MGAT4C: variants seen among roughly 807,000 people sequenced by gnomAD.
MGAT4C encodes the protein alpha-1,3-mannosyl-glycoprotein 4-beta-N-acetylglucosaminyltransferase C.
In MGAT4C, 19 loss-of-function variants were observed where a neutral mutation model predicts 40.1. That is an observed-to-expected ratio of 0.47 (90% confidence interval 0.33 to 0.70). MGAT4C has a LOEUF of 0.70. MGAT4C is among the 30% of genes least tolerant of loss of function. The probability of loss-of-function intolerance (pLI) is 0.02; values close to 1 mark genes in which losing one functional copy is unlikely to be tolerated. For missense variants in MGAT4C, 491 were observed against 563.2 expected, an observed-to-expected ratio of 0.87 and a Z score of 1.30; for synonymous variants, 181 against 187.1, an observed-to-expected ratio of 0.97 and a Z score of 0.27.
intron 2 of MGAT4C, among the ~76,000 whole-genome samples, chr12:86,690,059 C>G (rs1352014457): frequency 6.6e-6 from 1 of 152,156 alleles, no homozygotes; most frequent in Admixed American, 6.5e-5. Flanking sequence ...GCAGCTTTGC[C>G]TCACTGTGGT....
chr12:86,698,854 G>A (rs895071736), intron 2 of MGAT4C, among the ~76,000 whole-genome samples: 41 of 152,092 alleles, frequency 2.7e-4, no homozygotes, highest in African/African-American at 9.7e-4. Flanking sequence ...ATTGCCTAGT[G>A]TTAGAGCTGC....
Position 85,962,402 on chromosome 12 carries a change from T to TTAATTATA in MGAT4C, c.*16879_*16886dup, listed in dbSNP as rs957801344. 2 of 148,020 alleles carry TTAATTATA rather than the reference T, an allele frequency of 1.4e-5. No individual in the cohort carries two copies. The highest frequency in any genetic ancestry group is 3.6e-3 in the Middle Eastern group (1 of 278). The allele number at this position is 148,020 out of a possible 1,614,324, so 9.2% of individuals were successfully genotyped here. A position where few individuals can be genotyped will look rare whatever the true frequency, so the allele number is the denominator to read the frequency against. On this transcript the variant is annotated 3_prime_UTR_variant, in exon 5 of 5. Coordinates refer to ENST00000611864, the MANE Select transcript of MGAT4C (RefSeq NM_001351288.2). ...CATCCAATGAAGTAAAATTATATAATTAATTATATAATTATATAATTATAT... is the reference window on the plus strand; with the variant it reads ...CATCCAATGAAGTAAAATTATATAATTAATTATATAATTATATAATTATATAATTATAT...
chr12:86,056,884 C>T (rs1893455265), intron 1 of MGAT4C, among the ~76,000 whole-genome samples: 1 of 152,076 alleles, frequency 6.6e-6, no homozygotes, highest in Admixed American at 6.6e-5. Context: ...ACATCCTCTC[C>T]AGCATCTGTT....
Position 86,452,104 on chromosome 12 carries a change from A to G in MGAT4C, c.-228-16839T>C, listed in dbSNP as rs556834886. 8.0e-4 allele frequency among the ~76,000 whole-genome samples: 122 copies of G among 151,902 alleles called. 1 individual carries two copies. Among genetic ancestry groups the G allele is most frequent in the Non-Finnish European group, 1.5e-3 (105 of 67,942 alleles). ...AAATCACCTGATTCAGTTGAGGCTG[A>G]CCTGTTTCTTGTTTGTTTTTCTACA... On this transcript the variant is annotated intron_variant, in intron 2 of 7. Coordinates refer to the MGAT4C transcript ENST00000548651.
Position 86,302,424 on chromosome 12 carries a change from G to GGTTGGGTTT in MGAT4C, c.-57+31640_-57+31641insAAACCCAAC, listed in dbSNP as rs1555264786. 1.7e-4 allele frequency among the ~76,000 whole-genome samples: 24 copies of GGTTGGGTTT among 142,458 alleles called. 2 individuals are homozygous for GGTTGGGTTT. The highest frequency in any genetic ancestry group is 6.1e-4 in the African/African-American group (23 of 37,586). The allele number at this position is 142,458 out of a possible 152,430, so 93.5% of individuals were successfully genotyped here. A position where few individuals can be genotyped will look rare whatever the true frequency, so the allele number is the denominator to read the frequency against. On this transcript the variant is annotated intron_variant, in intron 4 of 7. Coordinates refer to the MGAT4C transcript ENST00000548651. ...TGGTTGGTTGGTTGGTTGGTTGGTTGGGTTTGGTTTGGTTTGGTTTTCGAG... is the reference window on the plus strand; with the variant it reads ...TGGTTGGTTGGTTGGTTGGTTGGTTGGTTGGGTTTGGTTTGGTTTGGTTTGGTTTTCGAG...
At chr12:86,615,341 G>A (rs910082776) in intron 2 of MGAT4C, among the ~76,000 whole-genome samples, 2 of 152,024 alleles carry the variant, frequency 1.3e-5, no homozygotes, top group African/African-American at 4.8e-5. Flanking sequence ...TGTAGTTTAA[G>A]GGGTTGGAGG....
chr12:86,133,893 A>C (rs1219755238), intron 1 of MGAT4C, among the ~76,000 whole-genome samples: 1 of 152,104 alleles, frequency 6.6e-6, no homozygotes, highest in Non-Finnish European at 1.5e-5. Context: ...CATTCCATGG[A>C]GAACTTAGAA....
chr12:86,110,177 A>T (rs377182528), intron 1 of MGAT4C, among the ~76,000 whole-genome samples: 1 of 147,382 alleles, frequency 6.8e-6, no homozygotes, highest in African/African-American at 2.5e-5. Context: ...GGAGATTAGT[A>T]TCTAAATAAT....
At chr12:86,547,454 A>T (rs1959201082) in intron 2 of MGAT4C, among the ~76,000 whole-genome samples, 1 of 152,122 alleles carries the variant, frequency 6.6e-6, no homozygotes, top group South Asian at 2.1e-4. Context: ...TCATGTAGAC[A>T]GGCATTTTTG....
chr12:86,119,157 T>G (rs1566009685), intron 1 of MGAT4C, among the ~76,000 whole-genome samples: 1 of 152,032 alleles, frequency 6.6e-6, no homozygotes, highest in African/African-American at 2.4e-5. Context: ...TAAATAAAAA[T>G]TAAGTAATAA....
chr12:86,063,593 A>C (rs1894212333), intron 1 of MGAT4C, among the ~76,000 whole-genome samples: 1 of 152,222 alleles, frequency 6.6e-6, no homozygotes, highest in Admixed American at 6.5e-5. Flanking sequence ...CTGGATAAAG[A>C]GTCAAGATCC....
chr12:86,018,980 T>A (rs890500361), intron 2 of MGAT4C, among the ~76,000 whole-genome samples: 4 of 152,112 alleles, frequency 2.6e-5, no homozygotes, highest in African/African-American at 9.7e-5. Flanking sequence ...TTGTAACTTA[T>A]TTACCAACTT....
At chr12:86,111,728 A>G (rs535924728) in intron 1 of MGAT4C, among the ~76,000 whole-genome samples, 1 of 151,772 alleles carries the variant, frequency 6.6e-6, no homozygotes, top group African/African-American at 2.4e-5. Flanking sequence ...CATGCTTTTC[A>G]CCCACGCTTA....
At chr12:86,514,540 C>A (rs1359926079) in intron 2 of MGAT4C, among the ~76,000 whole-genome samples, 1 of 152,164 alleles carries the variant, frequency 6.6e-6, no homozygotes, top group Non-Finnish European at 1.5e-5. Context: ...CTCAGTGCCT[C>A]ATTCTTCCAT....
chr12:86,221,099 T>C (rs1051002016), intron 1 of MGAT4C, among the ~76,000 whole-genome samples: 9 of 152,186 alleles, frequency 5.9e-5, no homozygotes, highest in African/African-American at 1.9e-4. Context: ...AAATCTGGTA[T>C]AGGAGAAACT....
At chr12:86,487,819 T>G (rs1958049005) in intron 2 of MGAT4C, among the ~76,000 whole-genome samples, 1 of 152,232 alleles carries the variant, frequency 6.6e-6, no homozygotes, top group African/African-American at 2.4e-5. Context: ...TTTTACTAGC[T>G]TGACATAAAT....
intron 1 of MGAT4C, among the ~76,000 whole-genome samples, chr12:86,775,679 T>A (rs1315777381): frequency 1.3e-5 from 2 of 151,792 alleles, no homozygotes; most frequent in African/African-American, 4.8e-5. Context: ...ACAGAAGCAC[T>A]GCTATTTATT....
At chr12:86,626,921 C>T (rs1962825240) in intron 2 of MGAT4C, among the ~76,000 whole-genome samples, 1 of 152,210 alleles carries the variant, frequency 6.6e-6, no homozygotes, top group Admixed American at 6.5e-5. Flanking sequence ...GGGTCATCAC[C>T]TCACCTGGGA....
At chr12:86,624,834 T>C (rs1962750557) in intron 2 of MGAT4C, among the ~76,000 whole-genome samples, 1 of 152,092 alleles carries the variant, frequency 6.6e-6, no homozygotes, top group African/African-American at 2.4e-5. Context: ...AAGACAAATG[T>C]TGGGTTAATT....
Sources: allele counts gnomAD v4.1 joint callset (sites outside exome capture counted in the v4.1 genomes callset), GRCh38; gene constraint gnomAD v4.1.1; transcripts MANE v1.5; gene names NCBI Gene and HGNC (gene_info 2026-07-23, HGNC 2026-07-21).